Variants in KLF13 observed in about 807,000 individuals in gnomAD.
KLF13 encodes the protein KLF transcription factor 13.
Under a neutral mutation model 16.7 loss-of-function variants are expected in KLF13, and 8 were observed. That is an observed-to-expected ratio of 0.48 (90% CI 0.28 to 0.87). KLF13 has a LOEUF of 0.87. Among genes scored for constraint, KLF13 ranks in the 40% least tolerant of loss-of-function variants. The pLI is 0.10. For missense variants in KLF13, 447 were observed against 452.2 expected, an observed-to-expected ratio of 0.99 and a Z score of 0.10; for synonymous variants, 245 against 208.4, an observed-to-expected ratio of 1.18 and a Z score of -1.51.
chr15:31,348,354 A>G lies in KLF13; in HGVS notation c.577+20565A>G, dbSNP rs117885553. On this transcript the variant is annotated intron_variant, in intron 1 of 1. Coordinates refer to ENST00000307145, the MANE Select transcript of KLF13 (RefSeq NM_015995.4). ...CCTCCAGTGCCTTCCGAAAGGAAAA[A>G]CCACGCGTGGTACGTAGGCACACAC... Among the ~76,000 whole-genome samples, 1,046 of 152,164 alleles carry G rather than the reference A, an allele frequency of 6.9e-3. 7 individuals carry two copies. Among genetic ancestry groups the G allele is most frequent in the Non-Finnish European group, 0.011 (782 of 68,002 alleles).
intron 1 of KLF13, among the ~76,000 whole-genome samples, chr15:31,410,878 G>C (rs2040185817): frequency 6.6e-6 from 1 of 152,042 alleles, no homozygotes; most frequent in African/African-American, 2.4e-5. Context: ...CATCATTACA[G>C]ACCCCTATAG....
chr15:31,371,924 G>A (rs2039560429), intron 1 of KLF13, 86 bp from the exon 2 acceptor site: 1 of 1,408,640 alleles, frequency 7.1e-7, no homozygotes, highest in South Asian at 1.4e-5. Context: ...AGAGACCAGG[G>A]TGTTGGGTGT....
Position 31,383,705 on chromosome 15 carries a change from C to A in KLF13, n.224-51665C>A, listed in dbSNP as rs565459674. ...CACGAGGTCAGGAGATCGAGACCATCCTGGCTAACACGGTGAAACCCCGTT... is the reference window on the plus strand; with the variant it reads ...CACGAGGTCAGGAGATCGAGACCATACTGGCTAACACGGTGAAACCCCGTT... On this transcript the variant is annotated intron_variant and non_coding_transcript_variant, in intron 1 of 1. Coordinates refer to the KLF13 transcript ENST00000558921. 3.3e-5 allele frequency among the ~76,000 whole-genome samples: 5 copies of A among 152,168 alleles called. No individual in the cohort carries two copies. The East Asian group carries it at 9.7e-4, about 30-fold the overall frequency.
At chr15:31,409,831 C>T (rs192827758) in intron 1 of KLF13, among the ~76,000 whole-genome samples, 1 of 152,114 alleles carries the variant, frequency 6.6e-6, no homozygotes, top group Admixed American at 6.6e-5. Context: ...TAAATAAAAA[C>T]TGAGAAAATT....
At chr15:31,408,758 G>GT (rs1429334722), downstream of KLF13, among the ~76,000 whole-genome samples, 2 of 152,116 alleles carry the variant, frequency 1.3e-5, no homozygotes, top group African/African-American at 4.8e-5. Context: ...TGATTAGTGT[G>GT]TTAAAGGCTC....
At chr15:31,379,790 C>A (rs1307789924), downstream of KLF13, among the ~76,000 whole-genome samples, 1 of 152,140 alleles carries the variant, frequency 6.6e-6, no homozygotes, top group Admixed American at 6.5e-5. Flanking sequence ...TGGAGGCAGG[C>A]CTGAGAGGCC....
At chr15:31,427,183 A>G (rs1223917085) in intron 1 of KLF13, among the ~76,000 whole-genome samples, 1 of 152,080 alleles carries the variant, frequency 6.6e-6, no homozygotes, top group Admixed American at 6.6e-5. Context: ...TAAATCCCCC[A>G]TCTATCTATT....
intron 1 of KLF13, among the ~76,000 whole-genome samples, chr15:31,386,453 C>T (rs925671174): frequency 1.3e-5 from 2 of 152,088 alleles, no homozygotes; most frequent in African/African-American, 2.4e-5. Flanking sequence ...GAGCCGAGAT[C>T]GTGCCATTGC....
Position 31,383,953 on chromosome 15 carries a change from C to T in KLF13, n.224-51417C>T, listed in dbSNP as rs73383041. Among the ~76,000 whole-genome samples the T allele has an allele frequency of 4.8e-3, 733 of 152,032 alleles. 14 individuals are homozygous for T. The highest frequency in any genetic ancestry group is 0.016 in the African/African-American group (672 of 41,486). On this transcript the variant is annotated intron_variant and non_coding_transcript_variant, in intron 1 of 1. Coordinates refer to the KLF13 transcript ENST00000558921. ...ATAAAATAAAAATATCAAGATGTTT[C>T]GAATAGCTTAAATGTCCAGGAATAG...
At position 31,375,271 on chromosome 15, in the gene KLF13, A is replaced by T. The variant is rs1240556566; in HGVS notation, c.*2972A>T. On this transcript the variant is annotated 3_prime_UTR_variant, in exon 2 of 2. Coordinates refer to ENST00000307145, the MANE Select transcript of KLF13 (RefSeq NM_015995.4). ...TCATGAAGTGAGGGACTCCTGTGGA[A>T]GAGGGTGGTGGGCCTTGGAACGCTG... 6.6e-6 allele frequency: 1 copy of T among 152,236 alleles called. No individual in the cohort carries two copies. Among genetic ancestry groups the T allele is most frequent in the East Asian group, 1.9e-4 (1 of 5,182 alleles). 9.4% of individuals were successfully genotyped at this position (152,236 alleles called of 1,614,324 possible).
At chr15:31,431,405 A>G (rs150113905) in intron 1 of KLF13, among the ~76,000 whole-genome samples, 2 of 152,352 alleles carry the variant, frequency 1.3e-5, no homozygotes, top group Middle Eastern at 3.4e-3. Context: ...TAAAAAATGT[A>G]TATTCATATA....
chr15:31,328,164 C>T (rs562329528), intron 1 of KLF13, among the ~76,000 whole-genome samples: 7 of 149,442 alleles, frequency 4.7e-5, no homozygotes, highest in African/African-American at 1.5e-4. Context: ...GCACTCGTGA[C>T]GGTGGGGCGC....
In KLF13 at chr15:31,349,487, C is replaced by T. The variant is rs149866010; in HGVS notation, c.577+21698C>T. 4.0e-3 allele frequency among the ~76,000 whole-genome samples: 613 copies of T among 152,296 alleles called. 12 individuals are homozygous for T. The highest frequency in any genetic ancestry group is 0.014 in the African/African-American group (585 of 41,548). ...CTGGGGATCTGGAGGGCACTTGCCTCGTTCTGCACTGACCCTTAACATGAG... is the reference window on the plus strand; with the variant it reads ...CTGGGGATCTGGAGGGCACTTGCCTTGTTCTGCACTGACCCTTAACATGAG... On this transcript the variant is annotated intron_variant, in intron 1 of 1. Coordinates refer to ENST00000307145, the MANE Select transcript of KLF13 (RefSeq NM_015995.4).
chr15:31,343,237 G>A (rs1306380203), intron 1 of KLF13, among the ~76,000 whole-genome samples: 1 of 152,226 alleles, frequency 6.6e-6, no homozygotes, highest in Non-Finnish European at 1.5e-5. Context: ...CAGGTGTGCA[G>A]CAGACACCAT....
At chr15:31,429,710 T>G (rs1012368410) in intron 1 of KLF13, among the ~76,000 whole-genome samples, 6 of 142,440 alleles carry the variant, frequency 4.2e-5, no homozygotes, top group African/African-American at 2.8e-5. Context: ...TTTATTTATT[T>G]ATTTATTTAT....
At chr15:31,422,686 A>G (rs1465355649) in intron 1 of KLF13, among the ~76,000 whole-genome samples, 3 of 152,192 alleles carry the variant, frequency 2.0e-5, no homozygotes, top group Non-Finnish European at 4.4e-5. Flanking sequence ...CAGACAAAAT[A>G]GACTCTAAGA....
intron 1 of KLF13, among the ~76,000 whole-genome samples, chr15:31,335,735 C>T (rs936947471): frequency 1.1e-4 from 16 of 152,200 alleles, no homozygotes; most frequent in African/African-American, 3.9e-4. Context: ...AGCACTGAAG[C>T]TTGATGTCTC....
intron 1 of KLF13, among the ~76,000 whole-genome samples, chr15:31,425,496 G>A (rs1351966094): frequency 6.6e-6 from 1 of 152,192 alleles, no homozygotes. Context: ...AATGATGTTT[G>A]AGGAAGGCAA....
intron 1 of KLF13, among the ~76,000 whole-genome samples, chr15:31,421,470 A>G (rs1477519381): frequency 6.6e-6 from 1 of 152,220 alleles, no homozygotes; most frequent in Non-Finnish European, 1.5e-5. Context: ...GTTAATGAAC[A>G]TAAAATATAA....
Sources: allele counts gnomAD v4.1 joint callset (sites outside exome capture counted in the v4.1 genomes callset), GRCh38; gene constraint gnomAD v4.1.1; transcripts MANE v1.5; gene names NCBI Gene and HGNC (gene_info 2026-07-23, HGNC 2026-07-21).